NBEA: variants seen among roughly 807,000 people sequenced by gnomAD.
NBEA encodes the protein lysosomal-trafficking regulator 2.
In NBEA, 44 loss-of-function variants were observed where a neutral mutation model predicts 343.4. The observed-to-expected ratio is 0.13, with a 90% CI of 0.10 to 0.16. The LOEUF is 0.16. Among genes scored for constraint, NBEA ranks in the 10% least tolerant of loss-of-function variants. NBEA has a pLI of 1.00. For missense variants in NBEA, 2,555 were observed against 3,631.3 expected (o/e 0.70, Z 7.62); for synonymous variants, 1,175 against 1,238.7 (o/e 0.95, Z 1.08).
chr13:35,615,087 C>G (rs1409994049), intron 48 of NBEA, among the ~76,000 whole-genome samples: 1 of 144,794 alleles, frequency 6.9e-6, no homozygotes, highest in East Asian at 2.0e-4. Flanking sequence ...GTTCAAGGAC[C>G]AGCCTGGGCA....
chr13:35,012,545 A>G (rs2061521705), intron 1 of NBEA, among the ~76,000 whole-genome samples: 1 of 152,200 alleles, frequency 6.6e-6, no homozygotes, highest in African/African-American at 2.4e-5. Context: ...TCCTGCAGCT[A>G]TCCTGTGAGA....
At position 35,197,691 on chromosome 13, in the gene NBEA, C is replaced by T. The variant is rs546685701; in HGVS notation, c.5366+1389C>T. On this transcript the variant is annotated intron_variant, in intron 31 of 58. Transcript: ENST00000379939. ...CTAATTTTTGTATTTTTAGTAGAGA[C>T]GGGGTTTCAACATCTTGGCCAGGCT... Among the ~76,000 whole-genome samples the T allele has an allele frequency of 5.3e-5, 8 of 152,070 alleles. 1 individual carries two copies. In the South Asian group the frequency reaches 8.3e-4, roughly 16 times the overall value.
intron 49 of NBEA, among the ~76,000 whole-genome samples, chr13:35,644,782 C>G (rs2084137988): frequency 6.6e-6 from 1 of 152,186 alleles, no homozygotes; most frequent in African/African-American, 2.4e-5. Context: ...TCTCTTCCCC[C>G]TTTTATAATC....
At chr13:35,415,805 AT>A (rs1196199702) in intron 38 of NBEA, among the ~76,000 whole-genome samples, 1 of 152,094 alleles carries the variant, frequency 6.6e-6, no homozygotes, top group Non-Finnish European at 1.5e-5. Context: ...ATGGCATTGA[AT>A]CTATAAATTA....
chr13:35,179,110 T>G (rs2071125562), intron 28 of NBEA, among the ~76,000 whole-genome samples: 1 of 151,590 alleles, frequency 6.6e-6, no homozygotes. Context: ...AACCCAGCAG[T>G]GGTTGTATCT....
At chr13:35,651,148 G>A (rs184725224) in intron 52 of NBEA, among the ~76,000 whole-genome samples, 7 of 152,294 alleles carry the variant, frequency 4.6e-5, no homozygotes, top group East Asian at 1.9e-4. Flanking sequence ...TTGTTTGAAA[G>A]TGTTGTATAT....
chr13:35,241,267 C>T lies in NBEA; in HGVS notation c.5776+8648C>T, dbSNP rs1193193317. 2.6e-5 allele frequency among the ~76,000 whole-genome samples: 4 copies of T among 151,842 alleles called. No individual in the cohort carries two copies. The South Asian group carries it at 6.2e-4, about 24-fold the overall frequency. Reference sequence around the variant, plus strand: ...GTGTGTCAGAATAAATCTCCAAGAACAGATCCCACATACATATGGTAACAT... The same window carrying T: ...GTGTGTCAGAATAAATCTCCAAGAATAGATCCCACATACATATGGTAACAT... On this transcript the variant is annotated intron_variant, in intron 34 of 58. Transcript: ENST00000379939.
chr13:35,110,203 C>A, intron 12 of NBEA, among the ~76,000 whole-genome samples: 1 of 116,040 alleles, frequency 8.6e-6, no homozygotes. Flanking sequence ...CTATCCCTCC[C>A]CCCTCCCCCG....
chr13:35,266,566 A>G (rs1049831609), intron 34 of NBEA, among the ~76,000 whole-genome samples: 1 of 151,802 alleles, frequency 6.6e-6, no homozygotes, highest in Non-Finnish European at 1.5e-5. Flanking sequence ...CATTATGTTA[A>G]ATGAAGTAAG....
chr13:35,308,576 G>GTATATATGTATATATGTATATATGTA (rs1566598015), intron 35 of NBEA, among the ~76,000 whole-genome samples: 150 of 118,398 alleles, frequency 1.3e-3, no homozygotes, highest in Non-Finnish European at 2.3e-3. Flanking sequence ...GTATATATAT[G>GTATATATGTATATATGTATATATGTA]TATATATGTA....
chr13:35,272,879 AC>A (rs1170659745), intron 34 of NBEA, among the ~76,000 whole-genome samples: 1 of 152,144 alleles, frequency 6.6e-6, no homozygotes, highest in Non-Finnish European at 1.5e-5. Flanking sequence ...CTGCAAAGAG[AC>A]TTAGACTCCC....
chr13:35,431,001 A>G (rs987886453), intron 38 of NBEA, among the ~76,000 whole-genome samples: 7 of 152,120 alleles, frequency 4.6e-5, no homozygotes, highest in African/African-American at 9.7e-5. Flanking sequence ...TTGGGTTTTT[A>G]TAATGAAGTT....
chr13:35,248,418 A>G (rs1435861356), intron 34 of NBEA, among the ~76,000 whole-genome samples: 1 of 152,150 alleles, frequency 6.6e-6, no homozygotes, highest in Non-Finnish European at 1.5e-5. Flanking sequence ...ATTCATATGG[A>G]ATCTCAAGAG....
intron 12 of NBEA, 67 bp from the exon 13 acceptor site, chr13:35,110,743 T>C: frequency 1.6e-6 from 2 of 1,269,614 alleles, no homozygotes; most frequent in Non-Finnish European, 2.2e-6. Flanking sequence ...TAAAACTGAA[T>C]GTATATAATA....
At chr13:35,222,010 C>G (rs2074395315) in intron 33 of NBEA, among the ~76,000 whole-genome samples, 1 of 152,062 alleles carries the variant, frequency 6.6e-6, no homozygotes, top group South Asian at 2.1e-4. Context: ...TTTTGTCCAG[C>G]TTTTTTAGTT....
At chr13:35,651,255 A>G (rs1283614186) in intron 52 of NBEA, among the ~76,000 whole-genome samples, 1 of 152,198 alleles carries the variant, frequency 6.6e-6, no homozygotes, top group African/African-American at 2.4e-5. Flanking sequence ...TTAAGATTTT[A>G]GGTGTGGCCC....
intron 45 of NBEA, among the ~76,000 whole-genome samples, chr13:35,576,306 G>GTA (rs2080739891): frequency 1.3e-5 from 2 of 151,578 alleles, no homozygotes; most frequent in Non-Finnish European, 2.9e-5. Flanking sequence ...TAGTAGAGAT[G>GTA]GGGTTTCATC....
At chr13:35,226,924 GA>G (rs1038907015) in intron 33 of NBEA, among the ~76,000 whole-genome samples, 5 of 151,734 alleles carry the variant, frequency 3.3e-5, no homozygotes, top group Non-Finnish European at 7.4e-5. Flanking sequence ...CTTAAAACTT[GA>G]AAAATGTTTA....
intron 41 of NBEA, among the ~76,000 whole-genome samples, chr13:35,544,633 C>A (rs2153008089): frequency 6.6e-6 from 1 of 152,238 alleles, no homozygotes; most frequent in African/African-American, 2.4e-5. Flanking sequence ...TATGTGCTTT[C>A]TATGTACTTT....
Sources: gnomAD v4.1 joint callset for allele counts (sites outside exome capture counted in the v4.1 genomes callset) on GRCh38, gnomAD v4.1.1 for gene constraint, MANE v1.5 for transcripts, NCBI Gene and HGNC (gene_info 2026-07-23, HGNC 2026-07-21) for gene names.